CSTL1: variants seen among roughly 807,000 people sequenced by gnomAD.
CSTL1 encodes cystatin like 1.
Under a neutral mutation model 14.4 loss-of-function variants are expected in CSTL1, and 14 were observed. The observed-to-expected ratio is 0.97, with a 90% CI of 0.64 to 1.52. The LOEUF (loss-of-function observed/expected upper bound fraction) is 1.52, where lower values mean the gene tolerates loss of function less well. Among genes scored for constraint, CSTL1 ranks in the 40% most tolerant of loss-of-function variants. The pLI, the probability that CSTL1 is intolerant of heterozygous loss-of-function variation, is 0.00. For synonymous variants in CSTL1, 72 were observed against 67.5 expected (o/e 1.07, Z -0.33); for missense variants, 170 against 168.7 (o/e 1.01, Z -0.04).
chr20:23,460,899 T>C, the CSTL1 span, among the ~76,000 whole-genome samples: 1 of 152,166 alleles, frequency 6.6e-6, no homozygotes, highest in Non-Finnish European at 1.5e-5. Flanking sequence ...GACTACAAGA[T>C]GAAAAGCTAC....
intron 3 of CSTL1, 128 bp downstream of exon 3, chr20:23,444,172 G>T (rs950203982): frequency 1.3e-5 from 10 of 755,786 alleles, no homozygotes; most frequent in Middle Eastern, 4.7e-4. Context: ...GGGCTGTCTG[G>T]CACCTCCTGA....
chr20:23,452,974 G>C, the CSTL1 span: 4 of 610,848 alleles, frequency 6.5e-6, no homozygotes, highest in Admixed American at 2.9e-5. Flanking sequence ...CTGAACTCGA[G>C]GGGAGAGCAG....
At chr20:23,452,029 C>T in the CSTL1 span, 3 of 719,232 alleles carry the variant, frequency 4.2e-6, no homozygotes, top group Non-Finnish European at 7.2e-6. Flanking sequence ...GGAGCTGGTC[C>T]TAGGCGGATT....
At chr20:23,440,018 C>T in intron 1 of CSTL1, 126 bp from the exon 2 acceptor site, 1 of 515,864 alleles carries the variant, frequency 1.9e-6, no homozygotes, top group Non-Finnish European at 3.5e-6. Flanking sequence ...CACGCCTTAG[C>T]AGGTGTTTAA....
the CSTL1 span, among the ~76,000 whole-genome samples, chr20:23,454,295 A>G: frequency 2.5e-4 from 37 of 147,310 alleles, 1 homozygote; most frequent in Non-Finnish European, 4.9e-4. Flanking sequence ...ACACACCTAC[A>G]TTACACACCC....
chr20:23,455,533 C>A, the CSTL1 span, among the ~76,000 whole-genome samples: 1 of 152,224 alleles, frequency 6.6e-6, no homozygotes, highest in East Asian at 1.9e-4. Context: ...GGTGGTGGGG[C>A]TCACAAAGAA....
the CSTL1 span, chr20:23,452,499 C>T: frequency 2.4e-6 from 2 of 843,754 alleles, no homozygotes; most frequent in Non-Finnish European, 4.1e-6. Context: ...GTTGAATTTC[C>T]CTTGAGTGGG....
intron 2 of CSTL1, among the ~76,000 whole-genome samples, chr20:23,443,535 T>C (rs1986887460): frequency 6.6e-6 from 1 of 151,744 alleles, no homozygotes. Flanking sequence ...TCAGGAAGGA[T>C]AGTAGAGACA....
chr20:23,443,868 C>T, intron 2 of CSTL1, 66 bp from the exon 3 acceptor site: 1 of 1,204,580 alleles, frequency 8.3e-7, no homozygotes, highest in South Asian at 1.3e-5. Context: ...GTCCTAGCTT[C>T]TCCAGGAGAG....
the CSTL1 span, among the ~76,000 whole-genome samples, chr20:23,453,367 C>G: frequency 1.3e-5 from 2 of 152,174 alleles, no homozygotes; most frequent in African/African-American, 4.8e-5. Context: ...AGAGTCAACT[C>G]TGACACCGAC....
At chr20:23,453,061 G>C in the CSTL1 span, among the ~76,000 whole-genome samples, 1 of 151,988 alleles carries the variant, frequency 6.6e-6, no homozygotes, top group Non-Finnish European at 1.5e-5. Context: ...TCTCTTTTGA[G>C]GGGCTGCTCC....
chr20:23,447,576 G>T (rs968640085), downstream of CSTL1, among the ~76,000 whole-genome samples: 11 of 151,400 alleles, frequency 7.3e-5, no homozygotes, highest in African/African-American at 1.9e-4. Context: ...TCCTGCCTCA[G>T]CCTCCCAAGT....
the CSTL1 span, among the ~76,000 whole-genome samples, chr20:23,457,931 C>T: frequency 6.6e-6 from 1 of 152,142 alleles, no homozygotes; most frequent in East Asian, 1.9e-4. Flanking sequence ...CTGGGGTACC[C>T]TATTTTGTCT....
At chr20:23,450,379 A>G in the CSTL1 span, 1 of 621,268 alleles carries the variant, frequency 1.6e-6, no homozygotes, top group Non-Finnish European at 2.6e-6. Flanking sequence ...TAAAAAGAAA[A>G]AGAAAAAAAG....
At chr20:23,458,785 C>T in the CSTL1 span, 1 of 152,250 alleles carries the variant, frequency 6.6e-6, no homozygotes, top group Non-Finnish European at 1.5e-5. Context: ...TTTTGTGGGT[C>T]TGGGGCCAGA....
the CSTL1 span, chr20:23,452,443 A>G: frequency 1.5e-6 from 1 of 660,934 alleles, no homozygotes; most frequent in African/African-American, 1.8e-5. Flanking sequence ...TCATCACCCT[A>G]GTGAATTTAT....
At chr20:23,450,143 C>A in the CSTL1 span, among the ~76,000 whole-genome samples, 1 of 152,136 alleles carries the variant, frequency 6.6e-6, no homozygotes, top group Non-Finnish European at 1.5e-5. Flanking sequence ...TGTTCAGTTG[C>A]TTTGAGCTTC....
chr20:23,448,355 G>A (rs139623415), downstream of CSTL1, among the ~76,000 whole-genome samples: 40 of 152,308 alleles, frequency 2.6e-4, 1 homozygote, highest in African/African-American at 8.7e-4. Flanking sequence ...TGGGCACCCA[G>A]GCCCTGGCTG....
downstream of CSTL1, among the ~76,000 whole-genome samples, chr20:23,449,142 G>T (rs1987022874): frequency 1.3e-5 from 2 of 152,182 alleles, no homozygotes; most frequent in Non-Finnish European, 2.9e-5. Context: ...GTTCACACAT[G>T]CAGGAGCTCT....
Sources: gnomAD v4.1 joint callset for allele counts (sites outside exome capture counted in the v4.1 genomes callset) on GRCh38, gnomAD v4.1.1 for gene constraint, MANE v1.5 for transcripts, NCBI Gene and HGNC (gene_info 2026-07-23, HGNC 2026-07-21) for gene names.